The following KATNBL1 variants were observed in gnomAD, a reference collection of about 807,000 sequenced individuals.
The protein encoded by KATNBL1 is KATNB1-like protein 1.
Under a neutral mutation model 44.7 loss-of-function variants are expected in KATNBL1, and 28 were observed. The ratio of observed to expected loss-of-function variants is 0.63; its 90% CI spans 0.46 to 0.86. The LOEUF (loss-of-function observed/expected upper bound fraction) is 0.86. Among genes scored for constraint, KATNBL1 ranks in the 40% least tolerant of loss-of-function variants. KATNBL1 has a pLI of 0.00. For synonymous variants in KATNBL1, 78 were observed against 114.9 expected (o/e 0.68, Z 2.06); for missense variants, 272 against 350.7 (o/e 0.78, Z 1.79).
At position 34,174,576 on chromosome 15, in the gene KATNBL1, G is replaced by A. The variant is rs115851326; in HGVS notation, c.-14-10886C>T. On this transcript the variant is annotated intron_variant, in intron 1 of 9. Coordinates refer to ENST00000256544, the MANE Select transcript of KATNBL1 (RefSeq NM_024713.3). Reference sequence around the variant, plus strand: ...ATTCAGAAACATGACCTAATTATACGTTGTCCACAAGAAACTCACTTCAAA... The same window carrying A: ...ATTCAGAAACATGACCTAATTATACATTGTCCACAAGAAACTCACTTCAAA... 6.6e-3 allele frequency among the ~76,000 whole-genome samples: 1,005 copies of A among 152,112 alleles called. 12 individuals carry two copies. The highest frequency in any genetic ancestry group is 0.023 in the African/African-American group (953 of 41,476).
At chr15:34,209,813 T>C (rs915826394) in intron 1 of KATNBL1, 138 bp downstream of exon 1, 3 of 150,274 alleles carry the variant, frequency 2.0e-5, no homozygotes, top group Non-Finnish European at 4.5e-5. Flanking sequence ...CCGGCAGCGC[T>C]GCCGCGAGCC....
chr15:34,179,873 A>G (rs1889468100), intron 1 of KATNBL1, among the ~76,000 whole-genome samples: 1 of 152,268 alleles, frequency 6.6e-6, no homozygotes, highest in South Asian at 2.1e-4. Context: ...ATTTTAACTT[A>G]ATGAGATCAC....
chr15:34,180,202 G>A (rs2140964208), intron 1 of KATNBL1, among the ~76,000 whole-genome samples: 1 of 151,808 alleles, frequency 6.6e-6, no homozygotes, highest in East Asian at 1.9e-4. Context: ...TTTCTACAAT[G>A]AGTGCTTTTT....
At chr15:34,154,917 C>A in intron 2 of KATNBL1, 1 of 523,018 alleles carries the variant, frequency 1.9e-6, no homozygotes, top group Non-Finnish European at 3.4e-6. Flanking sequence ...TAGGGTTGGA[C>A]CGCACAGTCT....
chr15:34,169,398 T>A (rs149188146), intron 1 of KATNBL1, among the ~76,000 whole-genome samples: 157 of 152,256 alleles, frequency 1.0e-3, no homozygotes, highest in African/African-American at 3.7e-3. Context: ...AGGAAGAAGT[T>A]CAATTGCTGA....
In KATNBL1 at chr15:34,142,305, G is replaced by C. The variant is rs1888173213; in HGVS notation, c.*34C>G. On this transcript the variant is annotated 3_prime_UTR_variant, in exon 10 of 10. Transcript: ENST00000256544. ...AAATTATACAGTTCAGGGATGTTTT[G>C]AAAAACCAAATGCTCTTTAGTAGAT... is the stretch of plus-strand genomic sequence containing the variant. The C allele has an allele frequency of 1.3e-6, 2 of 1,572,148 alleles. No homozygotes were observed. The highest frequency in any genetic ancestry group is 1.7e-6 in the Non-Finnish European group (2 of 1,161,568).
intron 1 of KATNBL1, among the ~76,000 whole-genome samples, chr15:34,184,572 G>GTTTATTTTT (rs1889664192): frequency 8.1e-5 from 1 of 12,350 alleles, no homozygotes; most frequent in East Asian, 3.3e-3. Context: ...CTCTCCTAAT[G>GTTTATTTTT]TTTCTTTTTT....
chr15:34,178,580 A>G (rs1236258151), intron 1 of KATNBL1, among the ~76,000 whole-genome samples: 4 of 152,058 alleles, frequency 2.6e-5, no homozygotes, highest in African/African-American at 9.7e-5. Flanking sequence ...ACCCGGTGAA[A>G]CCCTGTCTCT....
chr15:34,186,264 A>T (rs56731918), intron 1 of KATNBL1, among the ~76,000 whole-genome samples: 50,323 of 152,006 alleles, frequency 0.33, 8,856 homozygotes, highest in African/African-American at 0.47. Flanking sequence ...GGTCTGCACA[A>T]TCCATGAAGC....
At chr15:34,159,024 C>T (rs1432505421) in intron 2 of KATNBL1, among the ~76,000 whole-genome samples, 1 of 152,174 alleles carries the variant, frequency 6.6e-6, no homozygotes, top group South Asian at 2.1e-4. Flanking sequence ...AATCAACGCT[C>T]TCTAACAGGA....
chr15:34,146,511 G>A, intron 8 of KATNBL1: 1 of 374,488 alleles, frequency 2.7e-6, no homozygotes, highest in Admixed American at 4.2e-5. Context: ...AACCACTATT[G>A]TGTTTTTCTT....
In KATNBL1 at chr15:34,152,875, C is replaced by CT. The variant is rs1367233265; in HGVS notation, c.352dup (p.Ser118LysfsTer7). ...ACTGGAGTTAACCAAATATGTTCGA[C>CT]TATCATGGTGTAATTTTTCAGGCAG... On this transcript the variant is annotated frameshift_variant, in exon 4 of 10. Coordinates refer to ENST00000256544, the MANE Select transcript of KATNBL1 (RefSeq NM_024713.3). LOFTEE classifies it high-confidence loss of function. 1.9e-6 allele frequency: 3 copies of CT among 1,613,822 alleles called. No homozygotes were observed. The highest frequency in any genetic ancestry group is 1.7e-6 in the Non-Finnish European group (2 of 1,179,838).
chr15:34,197,675 G>C (rs187540076), intron 1 of KATNBL1, among the ~76,000 whole-genome samples: 41 of 152,288 alleles, frequency 2.7e-4, no homozygotes, highest in Admixed American at 2.1e-3. Context: ...GATTAAGATT[G>C]AATCGTTGTC....
intron 2 of KATNBL1, among the ~76,000 whole-genome samples, chr15:34,162,503 C>T (rs1243521103): frequency 2.0e-5 from 3 of 152,190 alleles, no homozygotes; most frequent in South Asian, 2.1e-4. Flanking sequence ...AGCATGAAAA[C>T]GGAATAATAC....
At chr15:34,167,002 A>T (rs1369116464) in intron 1 of KATNBL1, among the ~76,000 whole-genome samples, 3 of 152,236 alleles carry the variant, frequency 2.0e-5, no homozygotes, top group Non-Finnish European at 4.4e-5. Context: ...ACCAGAGCAG[A>T]AAGGCTGAAA....
intron 1 of KATNBL1, among the ~76,000 whole-genome samples, chr15:34,194,161 CG>C (rs1889969547): frequency 6.6e-6 from 1 of 152,082 alleles, no homozygotes; most frequent in Non-Finnish European, 1.5e-5. Context: ...AGGCTGGTCT[CG>C]AACTCCTGTC....
rs533542977 is a variant in KATNBL1 at position 34,192,988 on chromosome 15, C to T, written c.-15+16963G>A. Among the ~76,000 whole-genome samples, 813 of 151,676 alleles carry T rather than the reference C, an allele frequency of 5.4e-3. 9 individuals carry two copies. The highest frequency in any genetic ancestry group is 0.018 in the African/African-American group (765 of 41,420). ...ATCCCAGCACTTTGGGAGGCAGAGG[C>T]GGGCGGATCATGAGGTCAGGAGATC... On this transcript the variant is annotated intron_variant, in intron 1 of 9. Transcript: ENST00000256544.
chr15:34,159,885 T>C (rs114599388), intron 2 of KATNBL1, among the ~76,000 whole-genome samples: 1 of 152,202 alleles, frequency 6.6e-6, no homozygotes, highest in Non-Finnish European at 1.5e-5. Context: ...CCTTTTACCC[T>C]TGAGATAAAA....
At chr15:34,177,514 C>T (rs952028706) in intron 1 of KATNBL1, among the ~76,000 whole-genome samples, 1 of 151,446 alleles carries the variant, frequency 6.6e-6, no homozygotes, top group African/African-American at 2.4e-5. Context: ...CATGGTGGTA[C>T]ACGCCTGTAA....
Sources: allele counts gnomAD v4.1 joint callset (sites outside exome capture counted in the v4.1 genomes callset), GRCh38; gene constraint gnomAD v4.1.1; transcripts MANE v1.5; gene names NCBI Gene and HGNC (gene_info 2026-07-23, HGNC 2026-07-21).